MLST8: variants seen among roughly 807,000 people sequenced by gnomAD.
The protein encoded by MLST8 is target of rapamycin complex subunit LST8.
Under a neutral mutation model 41.3 loss-of-function variants are expected in MLST8, and 20 were observed. That is an observed-to-expected ratio of 0.48 (90% CI 0.34 to 0.70). MLST8 has a LOEUF of 0.70. Among genes scored for constraint, MLST8 ranks in the 30% least tolerant of loss-of-function variants. MLST8 has a pLI of 0.01. For missense variants in MLST8, 422 were observed against 454.3 expected (o/e 0.93, Z 0.65); for synonymous variants, 243 against 183.0 (o/e 1.33, Z -2.65).
rs1012987564 is a variant in MLST8, at chr16:2,206,130, G to C, written c.45G>C (p.Leu15=). ...CGGTGGGCAGTGACCCGGTCATCCTGGCCACTGCAGGCTACGACCACACCG... is the reference window on the plus strand; with the variant it reads ...CGGTGGGCAGTGACCCGGTCATCCTCGCCACTGCAGGCTACGACCACACCG... ...PGTVGSDPVI[L]ATAGYDHTVR... is the part of the protein sequence containing the mutation. Residue 15 remains leucine, a synonymous_variant, in exon 2 of 9, where the codon CTG becomes CTC. Transcript: ENST00000569417. The C allele has an allele frequency of 6.2e-7, 1 of 1,611,184 alleles. No homozygotes were observed. Among genetic ancestry groups the C allele is most frequent in the Non-Finnish European group, 8.5e-7 (1 of 1,178,730 alleles).
Position 2,208,993 on chromosome 16 carries a change from C to G in MLST8, c.*116C>G. 1 of 1,149,154 alleles carries G rather than the reference C, an allele frequency of 8.7e-7. No individual in the cohort carries two copies. The highest frequency in any genetic ancestry group is 2.4e-5 in the East Asian group (1 of 42,460). The allele number at this position is 1,149,154 out of a possible 1,614,324, so 71.2% of individuals were successfully genotyped here. On this transcript the variant is annotated 3_prime_UTR_variant, in exon 9 of 9. Coordinates refer to ENST00000569417, the MANE Select transcript of MLST8 (RefSeq NM_022372.6). ...CCTGCGCCAGCTGGACCTGATGGCCCCCTGTGGCGCCTTGACCTGCTGGGC... is the reference window on the plus strand; with the variant it reads ...CCTGCGCCAGCTGGACCTGATGGCCGCCTGTGGCGCCTTGACCTGCTGGGC...
At chr16:2,208,142 AG>A in intron 6 of MLST8, 67 bp from the exon 7 acceptor site, 1 of 1,525,904 alleles carries the variant, frequency 6.6e-7, no homozygotes, top group South Asian at 1.3e-5. Flanking sequence ...GTTGGCCCCC[AG>A]GGCATCCTTC....
Position 2,206,835 on chromosome 16 carries a change from A to G in MLST8, c.344+176A>G, listed in dbSNP as rs1490919357. 6.9e-6 allele frequency: 7 copies of G among 1,015,592 alleles called. No homozygotes were observed. In the East Asian group the frequency reaches 1.3e-4, roughly 19 times the overall value. The allele number at this position is 1,015,592 out of a possible 1,614,324, so 62.9% of individuals were successfully genotyped here. A position where few individuals can be genotyped will look rare whatever the true frequency, so the allele number is the denominator to read the frequency against. ...GCATCAGAGCGCGAGTCCTGCCTTGAGCCCGGAGCCAGCTTGTTATTCCCC... is the reference window on the plus strand; with the variant it reads ...GCATCAGAGCGCGAGTCCTGCCTTGGGCCCGGAGCCAGCTTGTTATTCCCC... On this transcript the variant is annotated intron_variant, in intron 4 of 8. Coordinates refer to ENST00000569417, the MANE Select transcript of MLST8 (RefSeq NM_022372.6).
chr16:2,209,071 C>T lies in MLST8; in HGVS notation c.*194C>T. On this transcript the variant is annotated 3_prime_UTR_variant, in exon 9 of 9. Coordinates refer to ENST00000569417, the MANE Select transcript of MLST8 (RefSeq NM_022372.6). ...AGTTGCTTATCCAGATGTGACAGAGCTCGACCCAAGCCAGGCTGCACACTC... is the reference window on the plus strand; with the variant it reads ...AGTTGCTTATCCAGATGTGACAGAGTTCGACCCAAGCCAGGCTGCACACTC... The T allele has an allele frequency of 1.5e-6, 1 of 674,378 alleles. No individual in the cohort carries two copies. The highest frequency in any genetic ancestry group is 4.1e-4 in the Middle Eastern group (1 of 2,426). 41.8% of individuals were successfully genotyped at this position (674,378 alleles called of 1,614,324 possible).
In MLST8 at chr16:2,207,563, C is replaced by G. The variant is rs563556080; in HGVS notation, c.573+218C>G. On this transcript the variant is annotated intron_variant, in intron 6 of 8. Transcript: ENST00000569417. ...GGTCACTCCGCTTTCTGGAGTCTCT[C>G]CCAAGTCGATCCACTTCCCTCTTTT... The G allele has an allele frequency of 8.5e-6, 5 of 586,140 alleles. No individual in the cohort carries two copies. In the South Asian group the frequency reaches 1.1e-4, roughly 13 times the overall value. The allele number at this position is 586,140 out of a possible 1,614,324, so 36.3% of individuals were successfully genotyped here. A position where few individuals can be genotyped will look rare whatever the true frequency, so the allele number is the denominator to read the frequency against.
Position 2,208,511 on chromosome 16 carries a change from C to T in MLST8, c.760C>T (p.Leu254=). ...GATCTGGAGGACGTCCAACTTCTCC[C>T]TGATGACGGAGCTGAGCATCAAGAG... ...CKIWRTSNFS[L]MTELSIKSGN... The change falls in exon 8 of 9, where the codon CTG becomes TTG. Residue 254 remains leucine, a synonymous_variant. Transcript: ENST00000569417. The T allele has an allele frequency of 1.2e-6, 2 of 1,613,332 alleles. No individual in the cohort carries two copies. Among genetic ancestry groups the T allele is most frequent in the Admixed American group, 1.7e-5 (1 of 60,016 alleles).
chr16:2,207,280 G>C lies in MLST8; in HGVS notation c.508G>C (p.Glu170Gln), dbSNP rs2093309927. ...DHNEQLIPEP[E>Q]VSITSAHIDP... Reference sequence around the variant, plus strand: ...CAACGAGCAGCTGATCCCTGAGCCCGAGGTCTCCATCACGTCCGCCCACAT... The same window carrying C: ...CAACGAGCAGCTGATCCCTGAGCCCCAGGTCTCCATCACGTCCGCCCACAT... Residue 170 changes from glutamate to glutamine, a missense_variant, in exon 6 of 9, where the codon GAG (glutamate) becomes CAG (glutamine). By Grantham distance (29) the Glu-to-Gln change is conservative. Transcript: ENST00000569417. 6.2e-7 allele frequency: 1 copy of C among 1,614,186 alleles called. No individual in the cohort carries two copies.
Position 2,207,336 on chromosome 16 carries a change from C to G in MLST8, c.564C>G (p.Val188=). Residue 188 remains valine, a synonymous_variant, in exon 6 of 9, where the codon GTC becomes GTG. Coordinates refer to ENST00000569417, the MANE Select transcript of MLST8 (RefSeq NM_022372.6). ...CCGACGCCAGCTACATGGCAGCTGT[C>G]AATAGCACCGTGAGTCCTGGTGGCA... ...IDPDASYMAA[V]NSTGNCYVWN... is the part of the protein sequence containing the mutation. 6.2e-7 allele frequency: 1 copy of G among 1,613,954 alleles called. No homozygotes were observed. Among genetic ancestry groups the G allele is most frequent in the Non-Finnish European group, 8.5e-7 (1 of 1,179,854 alleles).
chr16:2,209,205 C>A lies in MLST8; in HGVS notation c.*328C>A. 1.4e-6 allele frequency: 1 copy of A among 739,312 alleles called. No individual in the cohort carries two copies. Among genetic ancestry groups the A allele is most frequent in the Non-Finnish European group, 2.2e-6 (1 of 457,730 alleles). 45.8% of individuals were successfully genotyped at this position (739,312 alleles called of 1,614,324 possible). A position where few individuals can be genotyped will look rare whatever the true frequency, so the allele number is the denominator to read the frequency against. ...CAAGCTAGTGTGTTCTCTGCCCCTC[C>A]CTGCCCGCGTTTCAGGGCCTCGGTC... On this transcript the variant is annotated 3_prime_UTR_variant, in exon 9 of 9. Transcript: ENST00000569417.
rs200094349 is a variant in MLST8, at chr16:2,208,606, C to G, written c.855C>G (p.Ile285Met). Residue 285 changes from isoleucine to methionine, a missense_variant, in exon 8 of 9, where the codon ATC (isoleucine) becomes ATG (methionine). By Grantham distance (10) the Ile-to-Met change is conservative. Coordinates refer to ENST00000569417, the MANE Select transcript of MLST8 (RefSeq NM_022372.6). The part of the protein sequence containing the change: ...GCAFSGDSQY[I>M]VTASSDNLAR... ...CCTTCTCGGGGGACTCCCAGTACATCGTCACTGGTGAGCCCCGCCCTGGCC... is the reference window on the plus strand; with the variant it reads ...CCTTCTCGGGGGACTCCCAGTACATGGTCACTGGTGAGCCCCGCCCTGGCC... 3 of 1,612,250 alleles carry G rather than the reference C, an allele frequency of 1.9e-6. No individual in the cohort carries two copies. The highest frequency in any genetic ancestry group is 2.5e-6 in the Non-Finnish European group (3 of 1,179,604).
chr16:2,206,353 C>A lies in MLST8; in HGVS notation c.130-5C>A, dbSNP rs763565041. The A allele has an allele frequency of 6.2e-7, 1 of 1,613,858 alleles. No homozygotes were observed. The highest frequency in any genetic ancestry group is 2.2e-5 in the East Asian group (1 of 44,882). ...CCTTCCCGTCATCCTCCTTAACAGT[C>A]CCAGCAGGTGAATGCCTTGGAGGTC... is the stretch of plus-strand genomic sequence containing the variant. On this transcript the variant is annotated splice_polypyrimidine_tract_variant and splice_region_variant and intron_variant, in intron 2 of 8. Coordinates refer to ENST00000569417, the MANE Select transcript of MLST8 (RefSeq NM_022372.6).
Position 2,209,035 on chromosome 16 carries a change from T to C in MLST8, c.*158T>C, listed in dbSNP as rs2093354391. The stretch of plus-strand genomic sequence containing the variant: ...CTGCTGGGCCAGGCTGCCCTGGGAC[T>C]CTCAGCCCCCAGTTGCTTATCCAGA... On this transcript the variant is annotated 3_prime_UTR_variant, in exon 9 of 9. Coordinates refer to ENST00000569417, the MANE Select transcript of MLST8 (RefSeq NM_022372.6). The C allele has an allele frequency of 5.1e-6, 4 of 786,138 alleles. No homozygotes were observed. Among genetic ancestry groups the C allele is most frequent in the Admixed American group, 2.2e-5 (1 of 44,548 alleles). The allele number at this position is 786,138 out of a possible 1,614,324, so 48.7% of individuals were successfully genotyped here.
In MLST8 at chr16:2,206,793, C is replaced by T. The variant is rs143685636; in HGVS notation, c.344+134C>T. 241 of 1,125,620 alleles carry T rather than the reference C, an allele frequency of 2.1e-4. 2 individuals carry two copies. In the East Asian group the frequency reaches 5.5e-3, roughly 25 times the overall value. 69.7% of individuals were successfully genotyped at this position (1,125,620 alleles called of 1,614,324 possible). Reference sequence around the variant, plus strand: ...GGCGACTTACTGAGAGAAGTGAGGACAGGAGGAGAGTGAATTGCATCAGAG... The same window carrying T: ...GGCGACTTACTGAGAGAAGTGAGGATAGGAGGAGAGTGAATTGCATCAGAG... On this transcript the variant is annotated intron_variant, in intron 4 of 8. Coordinates refer to ENST00000569417, the MANE Select transcript of MLST8 (RefSeq NM_022372.6).
intron 2 of MLST8, 64 bp downstream of exon 2, chr16:2,206,278 T>A (rs1387022320): frequency 2.2e-5 from 36 of 1,604,270 alleles, no homozygotes; most frequent in Non-Finnish European, 3.1e-5. Flanking sequence ...GACCACAGCC[T>A]GTGTGAAGGC....
intron 4 of MLST8, 23 bp from the exon 5 acceptor site, chr16:2,207,012 A>C: frequency 6.2e-7 from 1 of 1,612,086 alleles, no homozygotes; most frequent in Non-Finnish European, 8.5e-7. Flanking sequence ...GATGGACAGC[A>C]TGTGCCCCGG....
Position 2,209,187 on chromosome 16 carries a change from G to C in MLST8, c.*310G>C, listed in dbSNP as rs1453613221. The C allele has an allele frequency of 1.5e-6, 1 of 687,996 alleles. No homozygotes were observed. Among genetic ancestry groups the C allele is most frequent in the Non-Finnish European group, 2.4e-6 (1 of 414,052 alleles). 42.6% of individuals were successfully genotyped at this position (687,996 alleles called of 1,614,324 possible). On this transcript the variant is annotated 3_prime_UTR_variant, in exon 9 of 9. Transcript: ENST00000569417. ...GAGGCTGGTGCCCACCCCCAAGCTA[G>C]TGTGTTCTCTGCCCCTCCCTGCCCG...
At chr16:2,205,676 G>T in intron 1 of MLST8, 164 bp downstream of exon 1, 1 of 990,466 alleles carries the variant, frequency 1.0e-6, no homozygotes, top group Non-Finnish European at 1.2e-6. Context: ...GCCTGCCGCT[G>T]GCCTGCTACG....
Position 2,209,133 on chromosome 16 carries a change from G to A in MLST8, c.*256G>A. The A allele has an allele frequency of 3.1e-6, 2 of 641,408 alleles. No individual in the cohort carries two copies. The highest frequency in any genetic ancestry group is 5.4e-6 in the Non-Finnish European group (2 of 373,712). 39.7% of individuals were successfully genotyped at this position (641,408 alleles called of 1,614,324 possible). A position where few individuals can be genotyped will look rare whatever the true frequency, so the allele number is the denominator to read the frequency against. ...TAGCCTGCACTGCCTGGGAAAGTCGGCCGAGGGCCCAAAGCTGCTGAGGGG... is the reference window on the plus strand; with the variant it reads ...TAGCCTGCACTGCCTGGGAAAGTCGACCGAGGGCCCAAAGCTGCTGAGGGG... On this transcript the variant is annotated 3_prime_UTR_variant, in exon 9 of 9. Transcript: ENST00000569417.
chr16:2,208,009 G>A (rs2093330002), intron 6 of MLST8: 2 of 530,424 alleles, frequency 3.8e-6, no homozygotes, highest in South Asian at 5.9e-5. Context: ...GTGGCCTCCT[G>A]TTCTTGGCTT....
Sources: gnomAD v4.1 joint callset for allele counts on GRCh38, gnomAD v4.1.1 for gene constraint, MANE v1.5 for transcripts, NCBI Gene and HGNC (gene_info 2026-07-23, HGNC 2026-07-21) for gene names.